Variants in RAB33A observed in about 807,000 individuals in gnomAD.
RAB33A encodes ras-related protein Rab-33A.
In RAB33A, 6 loss-of-function variants were observed where a neutral mutation model predicts 12.0. The ratio of observed to expected loss-of-function variants is 0.50; its 90% CI spans 0.27 to 0.99. RAB33A has a LOEUF of 0.99. Ranked by LOEUF, RAB33A falls within the 50% of genes least tolerant of loss-of-function variation. The probability of loss-of-function intolerance (pLI) is 0.11; values close to 1 mark genes in which losing one functional copy is unlikely to be tolerated. For missense variants in RAB33A, 109 were observed against 192.0 expected (o/e 0.57, Z 2.55); for synonymous variants, 70 against 82.4 (o/e 0.85, Z 0.81).
At chrX:130,168,980 G>A (rs913035425), upstream of RAB33A, among the ~76,000 whole-genome samples, 1 of 110,379 alleles carries the variant, frequency 9.1e-6, no homozygotes, top group Middle Eastern at 4.7e-3. Flanking sequence ...GGCCAAGGCG[G>A]GCGGATCACG....
intron 1 of RAB33A, among the ~76,000 whole-genome samples, chrX:130,179,104 C>T (rs1361035572): frequency 9.1e-6 from 1 of 110,387 alleles, no homozygotes; most frequent in Non-Finnish European, 1.9e-5. Flanking sequence ...ACGACAGACA[C>T]GTCTGCAAAG....
At chrX:130,172,455 C>A in intron 1 of RAB33A, 135 bp downstream of exon 1, 1 of 823,267 alleles carries the variant, frequency 1.2e-6, no homozygotes. Context: ...GGACCCTCGG[C>A]TCCTCCTCAC....
chrX:130,172,454 G>T, intron 1 of RAB33A, 134 bp downstream of exon 1: 2 of 842,116 alleles, frequency 2.4e-6, no homozygotes, highest in East Asian at 6.9e-5. Flanking sequence ...AGGACCCTCG[G>T]CTCCTCCTCA....
intron 1 of RAB33A, among the ~76,000 whole-genome samples, chrX:130,183,549 G>A (rs940348780): frequency 9.3e-6 from 1 of 108,081 alleles, no homozygotes; most frequent in Non-Finnish European, 1.9e-5. Flanking sequence ...AGCGAGACAC[G>A]GTCTCAAAAA....
chrX:130,123,763 C>G, the RAB33A span, among the ~76,000 whole-genome samples: 52,626 of 100,134 alleles, frequency 0.53, 12,228 homozygotes, highest in African/African-American at 0.82. Context: ...GATTCTGAGA[C>G]GAGGAGGGAG....
chrX:130,132,996 C>T, the RAB33A span, among the ~76,000 whole-genome samples: 10 of 111,423 alleles, frequency 9.0e-5, 1 homozygote, highest in African/African-American at 2.9e-4. Flanking sequence ...CCGCCCACCT[C>T]GGCCTCTGAC....
the RAB33A span, chrX:130,145,662 A>C: frequency 1.4e-6 from 1 of 692,442 alleles, no homozygotes; most frequent in Non-Finnish European, 2.2e-6. Flanking sequence ...ATTATCAGAA[A>C]CTTTAAGGGA....
the RAB33A span, among the ~76,000 whole-genome samples, chrX:130,140,242 GC>G: frequency 8.9e-6 from 1 of 112,271 alleles, no homozygotes; most frequent in Non-Finnish European, 1.9e-5. Flanking sequence ...TGGCAATGAA[GC>G]CACAAACGAC....
chrX:130,122,877 T>C, the RAB33A span, among the ~76,000 whole-genome samples: 1 of 111,983 alleles, frequency 8.9e-6, no homozygotes, highest in Non-Finnish European at 1.9e-5. Flanking sequence ...TGTGAAACTC[T>C]CCATGGAGAG....
At chrX:130,170,889 T>C (rs1462099746), upstream of RAB33A, among the ~76,000 whole-genome samples, 1 of 112,850 alleles carries the variant, frequency 8.9e-6, no homozygotes, top group Non-Finnish European at 1.9e-5. Context: ...CAGTAATGGC[T>C]AGCCCCGTAA....
At chrX:130,121,565 A>G in the RAB33A span, among the ~76,000 whole-genome samples, 1 of 112,076 alleles carries the variant, frequency 8.9e-6, no homozygotes, top group South Asian at 3.6e-4. Context: ...TCCCGTCCCG[A>G]CAGGCGAACT....
the RAB33A span, chrX:130,140,537 T>A: frequency 8.3e-7 from 1 of 1,208,379 alleles, no homozygotes; most frequent in East Asian, 3.0e-5. Flanking sequence ...GCTCACCTGT[T>A]GCAATCAAGC....
upstream of RAB33A, among the ~76,000 whole-genome samples, chrX:130,167,757 TAAA>T (rs1319879361): frequency 9.4e-6 from 1 of 106,763 alleles, no homozygotes; most frequent in South Asian, 4.0e-4. Flanking sequence ...AAGAAAAAAA[TAAA>T]GAAGTAGTGA....
the RAB33A span, among the ~76,000 whole-genome samples, chrX:130,131,387 G>T: frequency 2.5e-4 from 28 of 112,342 alleles, no homozygotes; most frequent in East Asian, 7.2e-3. Context: ...CCTTAGAAAG[G>T]TCTTCCCAGA....
the RAB33A span, among the ~76,000 whole-genome samples, chrX:130,159,569 C>T: frequency 9.0e-6 from 1 of 111,299 alleles, no homozygotes; most frequent in South Asian, 3.8e-4. Flanking sequence ...GTTTGTCCTC[C>T]ACCTCTACCC....
At chrX:130,146,051 T>C in the RAB33A span, among the ~76,000 whole-genome samples, 1 of 112,256 alleles carries the variant, frequency 8.9e-6, no homozygotes, top group Non-Finnish European at 1.9e-5. Flanking sequence ...TTGTCCAGAA[T>C]GGTGCTCTTC....
At chrX:130,128,861 C>A in the RAB33A span, among the ~76,000 whole-genome samples, 1 of 112,073 alleles carries the variant, frequency 8.9e-6, no homozygotes, top group South Asian at 3.7e-4. Context: ...CCCTTTCTGT[C>A]CCCTGCAGGA....
the RAB33A span, among the ~76,000 whole-genome samples, chrX:130,122,237 G>C: frequency 5.3e-5 from 6 of 112,530 alleles, no homozygotes; most frequent in Admixed American, 5.6e-4. Context: ...CACCCTGGTT[G>C]CTTAGAATAT....
At chrX:130,149,244 G>T in the RAB33A span, among the ~76,000 whole-genome samples, 9 of 111,679 alleles carry the variant, frequency 8.1e-5, no homozygotes, top group African/African-American at 2.9e-4. Context: ...TTAATATACA[G>T]ATAAACAACC....
Sources: allele counts gnomAD v4.1 joint callset (sites outside exome capture counted in the v4.1 genomes callset), GRCh38; gene constraint gnomAD v4.1.1; transcripts MANE v1.5; gene names NCBI Gene and HGNC (gene_info 2026-07-23, HGNC 2026-07-21).